COL5A1: variants seen among roughly 807,000 people sequenced by gnomAD.
COL5A1 encodes collagen alpha-1(V) chain.
Under a neutral mutation model 263.7 loss-of-function variants are expected in COL5A1, and 16 were observed. That is an observed-to-expected ratio of 0.06 (90% confidence interval 0.04 to 0.09). The LOEUF (loss-of-function observed/expected upper bound fraction) is 0.09. Ranked by LOEUF, COL5A1 falls within the 10% of genes least tolerant of loss-of-function variation. The probability of loss-of-function intolerance (pLI) is 1.00; values close to 1 mark genes in which losing one functional copy is unlikely to be tolerated. For synonymous variants in COL5A1, 1,012 were observed against 1,004.5 expected, an observed-to-expected ratio of 1.01 and a Z score of -0.14; for missense variants, 2,036 against 2,540.5, an observed-to-expected ratio of 0.80 and a Z score of 4.27.
Position 134,765,592 on chromosome 9 carries a change from G to T in COL5A1, c.2035-89G>T. ...TGAGTCACCAGCTGGGGTTCTGGGT[G>T]GAGTCAGGGCCAAGTGGGCATAGGG... On this transcript the variant is annotated intron_variant, in intron 20 of 65. Coordinates refer to ENST00000371817, the MANE Select transcript of COL5A1 (RefSeq NM_000093.5). This position sits in a 1 kb window ranked among gnomAD's most constrained non-coding sequence, Gnocchi z 5.1. 1 of 1,188,008 alleles carries T rather than the reference G, an allele frequency of 8.4e-7. No individual in the cohort carries two copies. Among genetic ancestry groups the T allele is most frequent in the Non-Finnish European group, 1.3e-6 (1 of 796,796 alleles). 73.6% of individuals were successfully genotyped at this position (1,188,008 alleles called of 1,614,324 possible). A position where few individuals can be genotyped will look rare whatever the true frequency, so the allele number is the denominator to read the frequency against.
At chr9:134,689,393 A>G (rs1248445835) in intron 1 of COL5A1, among the ~76,000 whole-genome samples, 2 of 152,226 alleles carry the variant, frequency 1.3e-5, no homozygotes, top group African/African-American at 4.8e-5. Flanking sequence ...GGAGGCCCAC[A>G]CCACTGCACC....
intron 13 of COL5A1, among the ~76,000 whole-genome samples, chr9:134,751,811 C>A (rs974793909): frequency 2.0e-5 from 3 of 152,194 alleles, no homozygotes; most frequent in African/African-American, 4.8e-5. Context: ...AGTGTAAGCA[C>A]AGAGTCGTTA....
At chr9:134,774,956 G>A in intron 27 of COL5A1, 44 bp downstream of exon 27, 1 of 1,582,762 alleles carries the variant, frequency 6.3e-7, no homozygotes, top group Non-Finnish European at 8.7e-7. Context: ...GGAGGTCAGG[G>A]TTGGGACTGT....
At chr9:134,665,499 G>A (rs968951931) in intron 1 of COL5A1, among the ~76,000 whole-genome samples, 4 of 152,222 alleles carry the variant, frequency 2.6e-5, no homozygotes, top group African/African-American at 9.6e-5. Context: ...CACAAATCTA[G>A]GCTTGTCTAT....
At chr9:134,833,781 C>T (rs538476237) in intron 64 of COL5A1, among the ~76,000 whole-genome samples, 2 of 152,372 alleles carry the variant, frequency 1.3e-5, no homozygotes, top group East Asian at 1.9e-4. Flanking sequence ...GGGCCTTGTA[C>T]ATCCTGGGCA....
intron 35 of COL5A1, among the ~76,000 whole-genome samples, 171 bp downstream of exon 35, chr9:134,796,589 T>A (rs1307107274): frequency 6.6e-6 from 1 of 152,146 alleles, no homozygotes; most frequent in African/African-American, 2.4e-5. Context: ...AGTGAACTCT[T>A]CCGTAGGTCA....
chr9:134,710,332 TCGCCGTCAGTGC>T (rs922328490), intron 4 of COL5A1, among the ~76,000 whole-genome samples: 1 of 152,234 alleles, frequency 6.6e-6, no homozygotes, highest in African/African-American at 2.4e-5. Flanking sequence ...TTTCATAGCA[TCGCCGTCAGTGC>T]CGTTAACCCT....
At chr9:134,808,832 C>T (rs763536470) in intron 42 of COL5A1, 15 of 348,874 alleles carry the variant, frequency 4.3e-5, no homozygotes, top group East Asian at 1.4e-4. Flanking sequence ...GCTTGGCTCC[C>T]GGTCACTAGC....
intron 2 of COL5A1, among the ~76,000 whole-genome samples, chr9:134,699,153 C>T (rs1297203040): frequency 6.6e-6 from 1 of 152,174 alleles, no homozygotes; most frequent in Non-Finnish European, 1.5e-5. Flanking sequence ...CTGGGGCTCC[C>T]GGTCATGCCC....
intron 28 of COL5A1, 140 bp downstream of exon 28, chr9:134,780,286 A>G: frequency 1.2e-6 from 1 of 841,998 alleles, no homozygotes; most frequent in South Asian, 1.4e-5. Context: ...GATGGATGCC[A>G]CTCTGTGGAA....
At chr9:134,759,405 CCA>C (rs139498218) in intron 18 of COL5A1, among the ~76,000 whole-genome samples, 21,675 of 114,952 alleles carry the variant, frequency 0.19, 2,177 homozygotes, top group Non-Finnish European at 0.21. Flanking sequence ...GCATACACAC[CCA>C]CACACACCCA....
At chr9:134,664,450 C>T (rs974015881) in intron 1 of COL5A1, among the ~76,000 whole-genome samples, 4 of 152,280 alleles carry the variant, frequency 2.6e-5, no homozygotes, top group Admixed American at 6.5e-5. Flanking sequence ...ACCTATCTGA[C>T]GGAAAGGGGG....
chr9:134,690,220 C>T (rs573902178), intron 1 of COL5A1, among the ~76,000 whole-genome samples: 12 of 152,210 alleles, frequency 7.9e-5, no homozygotes, highest in African/African-American at 2.4e-4. Flanking sequence ...CATGGTCTGG[C>T]GATGTGGGCA....
chr9:134,701,096 G>C lies in COL5A1; in HGVS notation c.492-75G>C, dbSNP rs140481953. 5 of 1,504,516 alleles carry C rather than the reference G, an allele frequency of 3.3e-6. No individual in the cohort carries two copies. The East Asian group carries it at 6.8e-5, about 20-fold the overall frequency. 93.2% of individuals were successfully genotyped at this position (1,504,516 alleles called of 1,614,324 possible). On this transcript the variant is annotated intron_variant, in intron 3 of 65. Coordinates refer to ENST00000371817, the MANE Select transcript of COL5A1 (RefSeq NM_000093.5). The stretch of plus-strand genomic sequence containing the variant: ...GAAGTGGGCCTTCTTCCTGTGTCTC[G>C]AGGAATTTGCAGCAAAATTGCTTGA...
intron 4 of COL5A1, among the ~76,000 whole-genome samples, chr9:134,704,343 G>T (rs1833771914): frequency 6.6e-6 from 1 of 152,206 alleles, no homozygotes; most frequent in Non-Finnish European, 1.5e-5. Context: ...CATGAAAAAT[G>T]CCTATGAGTG....
At chr9:134,781,836 C>T (rs1837267728) in intron 28 of COL5A1, among the ~76,000 whole-genome samples, 1 of 152,228 alleles carries the variant, frequency 6.6e-6, no homozygotes, top group Admixed American at 6.5e-5. Context: ...GCTGGATTCT[C>T]ACTGCACAGA....
chr9:134,810,187 T>C, intron 43 of COL5A1, 68 bp from the exon 44 acceptor site: 2 of 1,558,280 alleles, frequency 1.3e-6, no homozygotes, highest in South Asian at 2.2e-5. Context: ...AAAAATTCAT[T>C]ACGGGGAACA....
chr9:134,738,699 C>A, intron 10 of COL5A1, 47 bp from the exon 11 acceptor site: 2 of 1,549,890 alleles, frequency 1.3e-6, no homozygotes, highest in Non-Finnish European at 1.8e-6. Flanking sequence ...TGGACCTTGC[C>A]CTGCGGCCCC....
rs904491501 is a variant in COL5A1 at position 134,759,268 on chromosome 9, T to A, written c.1935+972T>A. ...ACCACACATGTGTGCGCGCACACAC[T>A]CATACACACATGCACACACACGCAT... is the stretch of plus-strand genomic sequence containing the variant. On this transcript the variant is annotated intron_variant, in intron 18 of 65. Coordinates refer to ENST00000371817, the MANE Select transcript of COL5A1 (RefSeq NM_000093.5). Among the ~76,000 whole-genome samples, 293 of 122,770 alleles carry A rather than the reference T, an allele frequency of 2.4e-3. 2 individuals carry two copies. The highest frequency in any genetic ancestry group is 8.9e-3 in the African/African-American group (263 of 29,660). The allele number at this position is 122,770 out of a possible 152,430, so 80.5% of individuals were successfully genotyped here.
Sources: gnomAD v4.1 joint callset for allele counts (sites outside exome capture counted in the v4.1 genomes callset) on GRCh38, gnomAD v4.1.1 for gene constraint, Gnocchi (gnomAD v3.1) non-coding constraint, MANE v1.5 for transcripts, NCBI Gene and HGNC (gene_info 2026-07-23, HGNC 2026-07-21) for gene names.